SUPT6H: variants seen among roughly 807,000 people sequenced by gnomAD.
The protein encoded by SUPT6H is SPT6 homolog, histone chaperone and transcription elongation factor, also known as transcription elongation factor SPT6.
Under a neutral mutation model 222.3 loss-of-function variants are expected in SUPT6H, and 11 were observed. The observed-to-expected ratio is 0.05, with a 90% CI of 0.03 to 0.08. SUPT6H has a LOEUF of 0.08. SUPT6H is among the 10% of genes least tolerant of loss of function. The probability of loss-of-function intolerance (pLI) is 1.00; values close to 1 mark genes in which losing one functional copy is unlikely to be tolerated. For synonymous variants in SUPT6H, 762 were observed against 801.2 expected (o/e 0.95, Z 0.83); for missense variants, 1,422 against 2,216.0 (o/e 0.64, Z 7.19).
At chr17:28,693,642 T>C in intron 27 of SUPT6H, 54 bp from the exon 28 acceptor site, 1 of 1,604,016 alleles carries the variant, frequency 6.2e-7, no homozygotes. Flanking sequence ...CTTTTCTGAA[T>C]GAGCGATCTC....
At chr17:28,680,824 T>C (rs1377395596) in intron 11 of SUPT6H, among the ~76,000 whole-genome samples, 1 of 152,158 alleles carries the variant, frequency 6.6e-6, no homozygotes, top group Admixed American at 6.5e-5. Context: ...GTTTTTTGTA[T>C]TTTTAGTAGA....
intron 32 of SUPT6H, among the ~76,000 whole-genome samples, chr17:28,699,112 A>G (rs1291884078): frequency 6.6e-6 from 1 of 152,198 alleles, no homozygotes; most frequent in Non-Finnish European, 1.5e-5. Flanking sequence ...TCTGGTTGCC[A>G]TTGATAGCTG....
intron 1 of SUPT6H, among the ~76,000 whole-genome samples, chr17:28,672,448 T>G (rs1017349053): frequency 2.6e-5 from 4 of 152,096 alleles, no homozygotes; most frequent in Admixed American, 1.3e-4. Flanking sequence ...GATTTTGCTC[T>G]TGTTGCCCAG....
chr17:28,675,948 A>G (rs2030722385), intron 6 of SUPT6H, among the ~76,000 whole-genome samples: 1 of 152,198 alleles, frequency 6.6e-6, no homozygotes, highest in South Asian at 2.1e-4. Flanking sequence ...CGAAGGTGCC[A>G]AAGATGAGCT....
intron 28 of SUPT6H, among the ~76,000 whole-genome samples, chr17:28,694,454 T>C (rs2031807185): frequency 6.6e-6 from 1 of 152,236 alleles, no homozygotes; most frequent in Non-Finnish European, 1.5e-5. Flanking sequence ...AATTCAACTT[T>C]TTTCAGAATC....
At position 28,691,078 on chromosome 17, in the gene SUPT6H, A is replaced by C. The variant is rs28548383; in HGVS notation, c.3633+15A>C. 1.9e-6 allele frequency: 3 copies of C among 1,610,832 alleles called. No individual in the cohort carries two copies. The highest frequency in any genetic ancestry group is 2.5e-6 in the Non-Finnish European group (3 of 1,178,604). Reference sequence around the variant, plus strand: ...AACTAAGCGAGGTGTGTGCTGCAGCATTATCCTGCTCAGTGGATTTCCTTG... The same window carrying C: ...AACTAAGCGAGGTGTGTGCTGCAGCCTTATCCTGCTCAGTGGATTTCCTTG... On this transcript the variant is annotated intron_variant, in intron 27 of 36. Transcript: ENST00000314616.
rs1428642141 is a variant in SUPT6H at position 28,701,026 on chromosome 17, C to T, written c.4892C>T (p.Thr1631Ile). Residue 1631 changes from threonine to isoleucine, a missense_variant, in exon 36 of 37, where the codon ACC becomes ATC. Coordinates refer to ENST00000314616, the MANE Select transcript of SUPT6H (RefSeq NM_003170.5). ...YSYTTPSQPI[T>I]TPQYHQLQAS... ...TACACGACCCCAAGCCAGCCCATCA[C>T]CACCCCTCAGTACCACCAGCTCCAG... 17 of 1,614,190 alleles carry T rather than the reference C, an allele frequency of 1.1e-5. No homozygotes were observed. The highest frequency in any genetic ancestry group is 1.4e-5 in the Non-Finnish European group (16 of 1,180,004).
At chr17:28,662,490 G>A (rs1016968232) in intron 1 of SUPT6H, 148 bp downstream of exon 1, 1 of 152,564 alleles carries the variant, frequency 6.6e-6, no homozygotes, top group Non-Finnish European at 1.5e-5. Flanking sequence ...TGGGGGGAAG[G>A]GGGAGGAAAG....
At position 28,683,752 on chromosome 17, in the gene SUPT6H, A is replaced by C; in HGVS notation, c.2165A>C (p.Tyr722Ser). 4.3e-6 allele frequency: 7 copies of C among 1,614,042 alleles called. No homozygotes were observed. The highest frequency in any genetic ancestry group is 5.9e-6 in the Non-Finnish European group (7 of 1,180,002). The change falls in exon 17 of 37, where the codon TAT (tyrosine) becomes TCT (serine). Residue 722 changes from tyrosine (Y) to serine (S), a missense_variant. This residue lies in a region of SUPT6H where 294 missense variants were observed against 382.1 expected (regional missense o/e 0.77). Coordinates refer to ENST00000314616, the MANE Select transcript of SUPT6H (RefSeq NM_003170.5). ...GAACGGGCTTTACAGCAGTTCCTCT[A>C]TGTGCAGATGGCCAAAGAACTCAAG... ...AIERALQQFL[Y>S]VQMAKELKNK...
intron 1 of SUPT6H, among the ~76,000 whole-genome samples, chr17:28,665,800 T>C (rs1461569898): frequency 6.6e-6 from 1 of 152,006 alleles, no homozygotes; most frequent in Non-Finnish European, 1.5e-5. Flanking sequence ...GTATTTGTCC[T>C]AGCTACCTGG....
intron 35 of SUPT6H, 184 bp from the exon 36 acceptor site, chr17:28,700,757 C>A: frequency 1.1e-6 from 1 of 921,018 alleles, no homozygotes; most frequent in Non-Finnish European, 1.6e-6. Context: ...ATGGTCAGGA[C>A]CAGTGGGCAC....
In SUPT6H at chr17:28,687,476, G is replaced by T. The variant is rs778342763; in HGVS notation, c.3006+5G>T. The T allele has an allele frequency of 1.2e-6, 2 of 1,611,780 alleles. No individual in the cohort carries two copies. The highest frequency in any genetic ancestry group is 1.7e-6 in the Non-Finnish European group (2 of 1,178,954). On this transcript the variant is annotated splice_donor_5th_base_variant and intron_variant, in intron 23 of 36. Coordinates refer to ENST00000314616, the MANE Select transcript of SUPT6H (RefSeq NM_003170.5). ...AAAGGGACCCACCTCCTGAAGGTAGGATTGGAGTGAATTCAGAAATTTTAA... is the reference window on the plus strand; with the variant it reads ...AAAGGGACCCACCTCCTGAAGGTAGTATTGGAGTGAATTCAGAAATTTTAA...
chr17:28,681,848 T>G (rs774765652), intron 12 of SUPT6H, 34 bp from the exon 13 acceptor site: 19 of 1,571,558 alleles, frequency 1.2e-5, no homozygotes, highest in Non-Finnish European at 1.6e-5. Context: ...GATTGGAAAC[T>G]AGAACCCTAA....
chr17:28,662,598 C>G (rs945090599), intron 1 of SUPT6H, among the ~76,000 whole-genome samples: 1 of 152,138 alleles, frequency 6.6e-6, no homozygotes, highest in Non-Finnish European at 1.5e-5. Flanking sequence ...TTCCTGGCAT[C>G]CCGTCCTTCT....
chr17:28,665,774 A>G (rs981896082), intron 1 of SUPT6H, among the ~76,000 whole-genome samples: 1 of 151,814 alleles, frequency 6.6e-6, no homozygotes, highest in African/African-American at 2.4e-5. Flanking sequence ...AAAAAAACGT[A>G]TATGTATATG....
In SUPT6H at chr17:28,676,741, CAT is replaced by C. The variant is rs1178848187; in HGVS notation, c.897+313_897+314del. Among the ~76,000 whole-genome samples the C allele has an allele frequency of 4.6e-5, 7 of 152,142 alleles. No individual in the cohort carries two copies. In the East Asian group the frequency reaches 1.4e-3, roughly 29 times the overall value. On this transcript the variant is annotated intron_variant, in intron 7 of 36. Coordinates refer to ENST00000314616, the MANE Select transcript of SUPT6H (RefSeq NM_003170.5). ...AGGAACTCAAGACCAGCCTGGGCAA[CAT>C]AGGGAGATCTTGTCTCTACAAAAAA...
chr17:28,691,345 G>C, intron 27 of SUPT6H: 1 of 338,800 alleles, frequency 3.0e-6, no homozygotes, highest in Non-Finnish European at 5.6e-6. Flanking sequence ...GGCCAAGATG[G>C]TGAACCCCCG....
At chr17:28,663,827 C>CCTTTT (rs1567681347) in intron 1 of SUPT6H, among the ~76,000 whole-genome samples, 1 of 8,406 alleles carries the variant, frequency 1.2e-4, no homozygotes, top group African/African-American at 3.3e-4. Flanking sequence ...CTGCCCACTC[C>CCTTTT]ATTTTTTTTT....
At chr17:28,700,685 G>C (rs1161323666) in intron 35 of SUPT6H, 173 bp downstream of exon 35, 1 of 1,021,184 alleles carries the variant, frequency 9.8e-7, no homozygotes, top group Non-Finnish European at 1.4e-6. Flanking sequence ...GGGTAAGAGA[G>C]GGCATAACCT....
Sources: gnomAD v4.1 joint callset for allele counts (sites outside exome capture counted in the v4.1 genomes callset) on GRCh38, gnomAD v4.1.1 for gene constraint, gnomAD v4.1.1 regional missense constraint, MANE v1.5 for transcripts, NCBI Gene and HGNC (gene_info 2026-07-23, HGNC 2026-07-21) for gene names.